Variants in NFYC observed in about 807,000 individuals in gnomAD.
NFYC encodes the protein nuclear transcription factor Y subunit gamma, also known as CAAT box DNA-binding protein subunit C.
Under a neutral mutation model 53.1 loss-of-function variants are expected in NFYC, and 25 were observed. That is an observed-to-expected ratio of 0.47 (90% CI 0.34 to 0.66). The LOEUF (loss-of-function observed/expected upper bound fraction) is 0.66. NFYC is among the 30% of genes least tolerant of loss of function. The pLI is 0.01. For synonymous variants in NFYC, 145 were observed against 152.6 expected (o/e 0.95, Z 0.37); for missense variants, 260 against 422.7 (o/e 0.62, Z 3.38).
At chr1:40,742,818 T>A (rs1645421149) in intron 2 of NFYC, among the ~76,000 whole-genome samples, 1 of 152,194 alleles carries the variant, frequency 6.6e-6, no homozygotes, top group Admixed American at 6.5e-5. Flanking sequence ...TGACTCTTAT[T>A]TTCCCCTCTT....
chr1:40,723,183 G>C (rs2148499320), intron 1 of NFYC: 1 of 152,312 alleles, frequency 6.6e-6, no homozygotes, highest in South Asian at 2.1e-4. Flanking sequence ...ACATTCTTCA[G>C]AATCACACTT....
At chr1:40,719,762 A>G (rs938561088) in intron 1 of NFYC, among the ~76,000 whole-genome samples, 1 of 152,212 alleles carries the variant, frequency 6.6e-6, no homozygotes, top group Non-Finnish European at 1.5e-5. Flanking sequence ...GTTGTTATCA[A>G]TTCTAAAGTA....
chr1:40,731,743 C>A (rs1301187796), intron 1 of NFYC, among the ~76,000 whole-genome samples: 1 of 152,182 alleles, frequency 6.6e-6, no homozygotes, highest in Middle Eastern at 3.2e-3. Context: ...CTCGGCCTCT[C>A]AAAGTGCTGG....
At position 40,732,820 on chromosome 1, in the gene NFYC, G is replaced by C. The variant is rs572134076; in HGVS notation, c.-8-6016G>C. The stretch of plus-strand genomic sequence containing the variant: ...CTGTCTTAGATGTTTGTGTGTGTGT[G>C]TCCTTTCTGTCATCCCCTTTTATTT... On this transcript the variant is annotated intron_variant, in intron 1 of 9. Coordinates refer to ENST00000447388, the MANE Select transcript of NFYC (RefSeq NM_014223.5). Among the ~76,000 whole-genome samples, 6 of 152,256 alleles carry C rather than the reference G, an allele frequency of 3.9e-5. No homozygotes were observed. In the South Asian group the frequency reaches 1.0e-3, roughly 26 times the overall value.
chr1:40,764,873 T>G (rs761582424), intron 7 of NFYC, among the ~76,000 whole-genome samples: 9 of 152,228 alleles, frequency 5.9e-5, no homozygotes, highest in East Asian at 1.9e-4. Context: ...AAGGAAAGCT[T>G]CTTGCTTTGT....
chr1:40,712,536 T>G (rs1643964186), intron 1 of NFYC: 1 of 131,372 alleles, frequency 7.6e-6, no homozygotes, highest in Non-Finnish European at 1.6e-5. Context: ...TACCAAATAT[T>G]TATAAAGTAA....
intron 4 of NFYC, among the ~76,000 whole-genome samples, chr1:40,750,615 C>T (rs1645861608): frequency 6.6e-6 from 1 of 152,090 alleles, no homozygotes; most frequent in African/African-American, 2.4e-5. Context: ...AAATACTGAG[C>T]TCCAATAAAT....
At chr1:40,692,705 G>T (rs978396237) in intron 1 of NFYC, among the ~76,000 whole-genome samples, 14 of 152,162 alleles carry the variant, frequency 9.2e-5, no homozygotes, top group African/African-American at 3.4e-4. Context: ...CAACGGACCT[G>T]GGATGTGATG....
intron 6 of NFYC, chr1:40,758,591 T>C (rs1646361975): frequency 6.7e-6 from 2 of 299,818 alleles, no homozygotes; most frequent in Middle Eastern, 8.8e-4. Context: ...AAATGCCTTA[T>C]GAAGAGTAGA....
At chr1:40,757,428 C>A in intron 5 of NFYC, 1 of 507,414 alleles carries the variant, frequency 2.0e-6, no homozygotes, top group Non-Finnish European at 4.1e-6. Flanking sequence ...AGAATGCGAC[C>A]TCCCTAATCA....
At chr1:40,724,461 G>C (rs1644437825) in intron 1 of NFYC, among the ~76,000 whole-genome samples, 1 of 152,236 alleles carries the variant, frequency 6.6e-6, no homozygotes, top group African/African-American at 2.4e-5. Context: ...TGGCCTATGA[G>C]CTGTAGTTTT....
rs78167001 is a variant in NFYC, at chr1:40,724,789, A to G, written c.-8-14047A>G. On this transcript the variant is annotated intron_variant, in intron 1 of 9. Transcript: ENST00000447388. ...TTTCAAAGATTATATTGTACTAGATACCAAATAGAAAAGTATTTTTGTTTT... is the reference window on the plus strand; with the variant it reads ...TTTCAAAGATTATATTGTACTAGATGCCAAATAGAAAAGTATTTTTGTTTT... 6.1e-3 allele frequency among the ~76,000 whole-genome samples: 914 copies of G among 150,814 alleles called. 9 individuals carry two copies. The highest frequency in any genetic ancestry group is 0.021 in the African/African-American group (867 of 41,512).
At chr1:40,747,843 T>G (rs1299151778) in intron 3 of NFYC, among the ~76,000 whole-genome samples, 1 of 140,838 alleles carries the variant, frequency 7.1e-6, no homozygotes, top group Non-Finnish European at 1.5e-5. Context: ...GATGTTGGGT[T>G]TTTTTTTTTT....
At chr1:40,697,057 C>G (rs1643186748) in intron 1 of NFYC, among the ~76,000 whole-genome samples, 1 of 152,212 alleles carries the variant, frequency 6.6e-6, no homozygotes, top group Non-Finnish European at 1.5e-5. Flanking sequence ...AGAGTTCTGT[C>G]TCTGCAGTGC....
chr1:40,758,030 C>CA, intron 5 of NFYC, 91 bp from the exon 6 acceptor site: 10 of 1,435,486 alleles, frequency 7.0e-6, no homozygotes, highest in Non-Finnish European at 8.7e-6. Flanking sequence ...GGCAACTGCA[C>CA]ATAGCCTGTT....
chr1:40,771,069 T>A lies in NFYC; in HGVS notation c.*241T>A. On this transcript the variant is annotated 3_prime_UTR_variant, in exon 10 of 10. Coordinates refer to ENST00000447388, the MANE Select transcript of NFYC (RefSeq NM_014223.5). ...GGAATCAATATTTCAATATGTTGAG[T>A]GTGTGTCCAATGCTATGAAATTAAA... 1.7e-6 allele frequency: 1 copy of A among 576,582 alleles called. No individual in the cohort carries two copies. The highest frequency in any genetic ancestry group is 3.1e-6 in the Non-Finnish European group (1 of 324,314). The allele number at this position is 576,582 out of a possible 1,614,324, so 35.7% of individuals were successfully genotyped here.
At chr1:40,760,912 A>G (rs1180492739) in intron 6 of NFYC, among the ~76,000 whole-genome samples, 1 of 152,092 alleles carries the variant, frequency 6.6e-6, no homozygotes, top group Non-Finnish European at 1.5e-5. Context: ...TTCTTTGGCT[A>G]ATGCTTGTGC....
At chr1:40,724,486 A>G (rs1644438648) in intron 1 of NFYC, among the ~76,000 whole-genome samples, 1 of 152,276 alleles carries the variant, frequency 6.6e-6, no homozygotes, top group Non-Finnish European at 1.5e-5. Flanking sequence ...CCCTTGCTTT[A>G]GAATACTTCA....
At chr1:40,722,822 C>T (rs1217159864) in intron 1 of NFYC, among the ~76,000 whole-genome samples, 1 of 152,118 alleles carries the variant, frequency 6.6e-6, no homozygotes, top group African/African-American at 2.4e-5. Flanking sequence ...GCTTTAGTGC[C>T]CCCAACTGTT....
Sources: allele counts gnomAD v4.1 joint callset (sites outside exome capture counted in the v4.1 genomes callset), GRCh38; gene constraint gnomAD v4.1.1; transcripts MANE v1.5; gene names NCBI Gene and HGNC (gene_info 2026-07-23, HGNC 2026-07-21).